FMNL2: variants seen among roughly 807,000 people sequenced by gnomAD.
FMNL2 encodes formin-like protein 2.
Under a neutral mutation model 130.2 loss-of-function variants are expected in FMNL2, and 51 were observed. That is an observed-to-expected ratio of 0.39 (90% CI 0.31 to 0.49). The LOEUF (loss-of-function observed/expected upper bound fraction) is 0.49, where lower values mean the gene tolerates loss of function less well. Among genes scored for constraint, FMNL2 ranks in the 20% least tolerant of loss-of-function variants. FMNL2 has a pLI of 0.85. For missense variants in FMNL2, 977 were observed against 1,316.2 expected (o/e 0.74, Z 3.99); for synonymous variants, 465 against 467.1 (o/e 1.00, Z 0.06).
At chr2:152,392,571 C>T (rs1685173084) in intron 1 of FMNL2, among the ~76,000 whole-genome samples, 1 of 152,200 alleles carries the variant, frequency 6.6e-6, no homozygotes, top group East Asian at 1.9e-4. Context: ...GCTGCATCCT[C>T]ATCTGGCAGA....
At chr2:152,390,253 A>T in intron 1 of FMNL2, 1 of 1,452,644 alleles carries the variant, frequency 6.9e-7, no homozygotes, top group Non-Finnish European at 9.6e-7. Flanking sequence ...ATCCAGGGGC[A>T]GCACCTCCGG....
chr2:152,412,437 C>T (rs1686337350), intron 1 of FMNL2, among the ~76,000 whole-genome samples: 2 of 116,736 alleles, frequency 1.7e-5, no homozygotes, highest in African/African-American at 3.7e-5. Context: ...TTACTTTCTT[C>T]TGTATATTTT....
chr2:152,384,829 T>C (rs1434153573), intron 1 of FMNL2, among the ~76,000 whole-genome samples: 1 of 152,182 alleles, frequency 6.6e-6, no homozygotes, highest in Non-Finnish European at 1.5e-5. Context: ...TTTCAAACTC[T>C]CTGCTGCTTC....
intron 11 of FMNL2, among the ~76,000 whole-genome samples, chr2:152,614,252 T>C (rs7579097): frequency 0.035 from 5,269 of 152,314 alleles, 283 homozygotes; most frequent in African/African-American, 0.12. Context: ...CCCAATTTCA[T>C]GTATATCAAA....
intron 1 of FMNL2, among the ~76,000 whole-genome samples, chr2:152,511,722 C>T (rs1254295305): frequency 2.0e-5 from 3 of 151,890 alleles, no homozygotes; most frequent in Non-Finnish European, 4.4e-5. Context: ...GGGAGACTAG[C>T]GATAATCTTA....
At chr2:152,364,266 T>G (rs1336856159) in intron 1 of FMNL2, among the ~76,000 whole-genome samples, 61 of 119,350 alleles carry the variant, frequency 5.1e-4, no homozygotes, top group African/African-American at 2.0e-3. Flanking sequence ...TGTGTGTTTT[T>G]TTTTTTTTTT....
At chr2:152,471,199 G>GTCT (rs1183496949) in intron 1 of FMNL2, among the ~76,000 whole-genome samples, 1 of 151,526 alleles carries the variant, frequency 6.6e-6, no homozygotes, top group African/African-American at 2.4e-5. Context: ...CGTTTGCTTA[G>GTCT]TCTTATCTGA....
chr2:152,580,862 A>G lies in FMNL2; in HGVS notation c.783-94A>G, dbSNP rs575565657. The G allele has an allele frequency of 7.8e-6, 9 of 1,160,568 alleles. No homozygotes were observed. In the South Asian group the frequency reaches 1.3e-4, roughly 16 times the overall value. The allele number at this position is 1,160,568 out of a possible 1,614,324, so 71.9% of individuals were successfully genotyped here. A position where few individuals can be genotyped will look rare whatever the true frequency, so the allele number is the denominator to read the frequency against. ...AAAATTTTTTAAAAATGTAAGGGCA[A>G]ATGTTTTATTCTCATGTATCTTGGA... On this transcript the variant is annotated intron_variant, in intron 8 of 25. Coordinates refer to ENST00000288670, the MANE Select transcript of FMNL2 (RefSeq NM_052905.4).
chr2:152,386,403 A>G (rs1310145382), intron 1 of FMNL2, among the ~76,000 whole-genome samples: 1 of 152,196 alleles, frequency 6.6e-6, no homozygotes, highest in Admixed American at 6.5e-5. Context: ...TTGTCTTGTC[A>G]TCTTCTCCCT....
chr2:152,348,619 A>G (rs1432784684), intron 1 of FMNL2, among the ~76,000 whole-genome samples: 1 of 152,216 alleles, frequency 6.6e-6, no homozygotes, highest in Non-Finnish European at 1.5e-5. Flanking sequence ...GGTGTCCAAG[A>G]ATACGAAACA....
chr2:152,598,509 C>T (rs561730050), intron 9 of FMNL2, among the ~76,000 whole-genome samples: 7 of 152,140 alleles, frequency 4.6e-5, no homozygotes, highest in Admixed American at 2.6e-4. Context: ...GCCAACATGG[C>T]GAAACCCCGT....
At chr2:152,613,001 C>T (rs1344702979) in intron 11 of FMNL2, among the ~76,000 whole-genome samples, 3 of 152,164 alleles carry the variant, frequency 2.0e-5, no homozygotes, top group Admixed American at 6.5e-5. Flanking sequence ...TATTAGGAGA[C>T]GGAATCACAG....
intron 1 of FMNL2, among the ~76,000 whole-genome samples, chr2:152,434,527 C>T (rs1339534772): frequency 2.0e-5 from 3 of 152,122 alleles, no homozygotes; most frequent in Non-Finnish European, 4.4e-5. Flanking sequence ...TAAGCTGGAT[C>T]CCAGCTGGCC....
At chr2:152,640,142 C>T (rs1030291060) in intron 24 of FMNL2, 86 bp downstream of exon 24, 2 of 1,123,544 alleles carry the variant, frequency 1.8e-6, no homozygotes, top group African/African-American at 1.6e-5. Flanking sequence ...GACCAGCAAG[C>T]CAGGTGTGCC....
chr2:152,452,404 G>A (rs1688691887), intron 1 of FMNL2, among the ~76,000 whole-genome samples: 2 of 152,186 alleles, frequency 1.3e-5, no homozygotes, highest in African/African-American at 4.8e-5. Context: ...TTTTGGTCCT[G>A]GAGTCGCCAT....
In FMNL2 at chr2:152,471,520, A is replaced by G. The variant is rs562577248; in HGVS notation, c.118-50423A>G. Among the ~76,000 whole-genome samples the G allele has an allele frequency of 7.9e-5, 12 of 152,352 alleles. No individual in the cohort carries two copies. The South Asian group carries it at 2.5e-3, about 32-fold the overall frequency. On this transcript the variant is annotated intron_variant, in intron 1 of 25. Coordinates refer to ENST00000288670, the MANE Select transcript of FMNL2 (RefSeq NM_052905.4). ...AAAAAGCAAGGGACCAAAAATAAGC[A>G]AAAGAATGAGCTCTCAGTATAGTCC... is the stretch of plus-strand genomic sequence containing the variant.
intron 1 of FMNL2, among the ~76,000 whole-genome samples, chr2:152,362,573 C>T (rs1288204571): frequency 1.3e-5 from 2 of 151,770 alleles, no homozygotes; most frequent in Non-Finnish European, 2.9e-5. Flanking sequence ...TCGCCCCAGT[C>T]CCCCACCCCT....
At chr2:152,441,723 C>A (rs753471242) in intron 1 of FMNL2, among the ~76,000 whole-genome samples, 2 of 151,914 alleles carry the variant, frequency 1.3e-5, no homozygotes, top group African/African-American at 4.8e-5. Flanking sequence ...GTAATCCCAG[C>A]TACTCAGGAG....
chr2:152,464,219 C>T (rs1689402352), intron 1 of FMNL2, among the ~76,000 whole-genome samples: 1 of 152,224 alleles, frequency 6.6e-6, no homozygotes, highest in South Asian at 2.1e-4. Context: ...GCTGGGATTA[C>T]AGGTGTGAGC....
Sources: gnomAD v4.1 joint callset for allele counts (sites outside exome capture counted in the v4.1 genomes callset) on GRCh38, gnomAD v4.1.1 for gene constraint, MANE v1.5 for transcripts, NCBI Gene and HGNC (gene_info 2026-07-23, HGNC 2026-07-21) for gene names.